DLGAP2: variants seen among roughly 807,000 people sequenced by gnomAD.
DLGAP2 encodes disks large-associated protein 2.
In DLGAP2, 26 loss-of-function variants were observed where a neutral mutation model predicts 100.3. The ratio of observed to expected loss-of-function variants is 0.26; its 90% CI spans 0.19 to 0.36. DLGAP2 has a LOEUF of 0.36. Ranked by LOEUF, DLGAP2 falls within the 10% of genes least tolerant of loss-of-function variation. DLGAP2 has a pLI of 1.00. For synonymous variants in DLGAP2, 886 were observed against 630.1 expected (o/e 1.41, Z -6.08); for missense variants, 1,858 against 1,453.2 (o/e 1.28, Z -4.53).
At chr8:756,227 A>G (rs1820917204) in intron 1 of DLGAP2, among the ~76,000 whole-genome samples, 1 of 152,072 alleles carries the variant, frequency 6.6e-6, no homozygotes, top group Admixed American at 6.6e-5. Flanking sequence ...TGCTGGTGGC[A>G]TAGGAGACGG....
At chr8:1,047,730 C>T (rs1363087896) in intron 2 of DLGAP2, among the ~76,000 whole-genome samples, 1 of 151,880 alleles carries the variant, frequency 6.6e-6, no homozygotes, top group African/African-American at 2.4e-5. Context: ...TTTTTAAGGA[C>T]TCTACTCTCA....
intron 4 of DLGAP2, among the ~76,000 whole-genome samples, chr8:1,510,953 A>G (rs1252361683): frequency 6.6e-6 from 1 of 152,244 alleles, no homozygotes; most frequent in Non-Finnish European, 1.5e-5. Flanking sequence ...AATCTGGCAC[A>G]TCTCCCTTTG....
At chr8:872,813 C>G (rs989202851) in intron 1 of DLGAP2, among the ~76,000 whole-genome samples, 2 of 152,202 alleles carry the variant, frequency 1.3e-5, no homozygotes, top group African/African-American at 4.8e-5. Context: ...TTTAGGCACC[C>G]TCTCTGTCCT....
chr8:1,603,519 T>C (rs1796696833), intron 6 of DLGAP2, among the ~76,000 whole-genome samples: 1 of 151,646 alleles, frequency 6.6e-6, no homozygotes, highest in South Asian at 2.1e-4. Flanking sequence ...AGAGGCTGGT[T>C]AGAGTGGAGT....
At chr8:1,100,446 C>G (rs141980292) in intron 2 of DLGAP2, among the ~76,000 whole-genome samples, 2 of 151,778 alleles carry the variant, frequency 1.3e-5, no homozygotes, top group Admixed American at 6.6e-5. Flanking sequence ...TAGGGAAAAC[C>G]TTTGTCCAGC....
intron 3 of DLGAP2, among the ~76,000 whole-genome samples, chr8:1,434,370 G>C (rs1381755904): frequency 6.6e-6 from 1 of 152,168 alleles, no homozygotes; most frequent in African/African-American, 2.4e-5. Context: ...CAGACAGCAA[G>C]CACTCCACCT....
chr8:1,246,594 G>A (rs1031172449), intron 2 of DLGAP2, among the ~76,000 whole-genome samples: 1 of 152,170 alleles, frequency 6.6e-6, no homozygotes, highest in East Asian at 1.9e-4. Context: ...GATACTACTA[G>A]GAAATCCTAA....
chr8:1,382,423 C>G (rs10087579), intron 3 of DLGAP2, among the ~76,000 whole-genome samples: 18,882 of 152,028 alleles, frequency 0.12, 1,754 homozygotes, highest in African/African-American at 0.24. Flanking sequence ...GGCAAGTGTG[C>G]GTGAATATAT....
intron 3 of DLGAP2, among the ~76,000 whole-genome samples, chr8:1,478,382 A>G (rs1342344399): frequency 6.6e-6 from 1 of 152,082 alleles, no homozygotes; most frequent in East Asian, 1.9e-4. Flanking sequence ...GACATAGCAT[A>G]TTTTCTCAGA....
At chr8:1,100,675 A>G (rs1360082487) in intron 2 of DLGAP2, among the ~76,000 whole-genome samples, 1 of 152,194 alleles carries the variant, frequency 6.6e-6, no homozygotes, top group East Asian at 1.9e-4. Flanking sequence ...GTCATGACTG[A>G]TGAGTGTGTG....
intron 2 of DLGAP2, among the ~76,000 whole-genome samples, chr8:1,069,313 A>T (rs1032941858): frequency 6.6e-6 from 1 of 152,082 alleles, no homozygotes; most frequent in Non-Finnish European, 1.5e-5. Flanking sequence ...GGTCGCGAGG[A>T]GGCCGGGTCG....
At chr8:1,358,032 G>T (rs534892144) in intron 3 of DLGAP2, among the ~76,000 whole-genome samples, 1 of 152,178 alleles carries the variant, frequency 6.6e-6, no homozygotes, top group Non-Finnish European at 1.5e-5. Flanking sequence ...GGAAGGAGGG[G>T]AACAGCTGGC....
chr8:849,156 A>C (rs1020712121), intron 1 of DLGAP2, among the ~76,000 whole-genome samples: 1 of 151,346 alleles, frequency 6.6e-6, no homozygotes, highest in African/African-American at 2.4e-5. Flanking sequence ...GTTCCAGTAT[A>C]GGAACATGCC....
intron 2 of DLGAP2, among the ~76,000 whole-genome samples, chr8:996,047 A>G (rs1172597704): frequency 6.6e-6 from 1 of 152,180 alleles, no homozygotes; most frequent in Non-Finnish European, 1.5e-5. Context: ...CTTATCTGGA[A>G]TTAGACTCAG....
chr8:965,609 T>C (rs1172924405), intron 2 of DLGAP2, among the ~76,000 whole-genome samples: 47 of 102,850 alleles, frequency 4.6e-4, no homozygotes, highest in African/African-American at 1.3e-3. Flanking sequence ...GGCTCCTGAG[T>C]CTGGCCCCGC....
intron 3 of DLGAP2, among the ~76,000 whole-genome samples, chr8:1,298,925 C>T (rs889873418): frequency 6.6e-6 from 1 of 152,066 alleles, no homozygotes; most frequent in Non-Finnish European, 1.5e-5. Flanking sequence ...GGGAGAACCT[C>T]TTCCCAGGGC....
At chr8:810,084 A>G (rs975688430) in intron 1 of DLGAP2, among the ~76,000 whole-genome samples, 1 of 152,152 alleles carries the variant, frequency 6.6e-6, no homozygotes, top group Non-Finnish European at 1.5e-5. Flanking sequence ...CTCTGTGTCC[A>G]TCCCTTTCTA....
chr8:1,523,988 G>A (rs1287689546), intron 4 of DLGAP2, among the ~76,000 whole-genome samples: 3 of 152,190 alleles, frequency 2.0e-5, no homozygotes, highest in South Asian at 2.1e-4. Context: ...AGACTCCGCC[G>A]CAAGTCCGGA....
At chr8:1,197,045 G>C (rs1200429316) in intron 2 of DLGAP2, among the ~76,000 whole-genome samples, 4 of 152,162 alleles carry the variant, frequency 2.6e-5, no homozygotes, top group African/African-American at 7.2e-5. Context: ...GGAGGAGATG[G>C]AGGCCTCGCC....
Sources: gnomAD v4.1 joint callset for allele counts (sites outside exome capture counted in the v4.1 genomes callset) on GRCh38, gnomAD v4.1.1 for gene constraint, MANE v1.5 for transcripts, NCBI Gene and HGNC (gene_info 2026-07-23, HGNC 2026-07-21) for gene names.